The following ZNF131 variants were observed in gnomAD, a reference collection of about 807,000 sequenced individuals.
ZNF131 encodes zinc finger and BTB domain containing 35, also known as zinc finger protein 131.
ZNF131 carries 7 observed loss-of-function variants against 60.0 expected under a neutral mutation model. That is an observed-to-expected ratio of 0.12 (90% CI 0.07 to 0.22). ZNF131 has a LOEUF of 0.22. ZNF131 is among the 10% of genes least tolerant of loss of function. The pLI is 1.00. For synonymous variants in ZNF131, 257 were observed against 253.2 expected, an observed-to-expected ratio of 1.01 and a Z score of -0.14; for missense variants, 493 against 740.9, an observed-to-expected ratio of 0.67 and a Z score of 3.88.
At position 43,175,099 on chromosome 5, in the gene ZNF131, A is replaced by G. The variant is rs563143717; in HGVS notation, c.1838A>G (p.Asn613Ser). The G allele has an allele frequency of 1.5e-5, 24 of 1,614,084 alleles. No homozygotes were observed. The South Asian group carries it at 2.4e-4, about 16-fold the overall frequency. The change falls in exon 7 of 7, where the codon AAT (asparagine) becomes AGT (serine). Residue 613 changes from asparagine (N) to serine (S), a missense_variant. Asn to Ser is a conservative substitution (Grantham distance 46). Around this residue, in one of 7 missense-constraint regions of ZNF131, gnomAD observed 202 missense variants for 221.3 expected, o/e 0.91. Coordinates refer to ENST00000682664, the MANE Select transcript of ZNF131 (RefSeq NM_001330707.2). The stretch of plus-strand genomic sequence containing the variant: ...GATTCTGAAGCAGAAAAGGCAGAGA[A>G]TGAGGACAGAACAGCTCTGCCAGTT... ...TVDSEAEKAENEDRTALPVLE is the reference protein window; with the variant it reads ...TVDSEAEKAESEDRTALPVLE
intron 3 of ZNF131, among the ~76,000 whole-genome samples, chr5:43,127,629 G>A (rs1255285605): frequency 1.2e-4 from 19 of 152,192 alleles, no homozygotes; most frequent in Non-Finnish European, 2.5e-4. Flanking sequence ...AACTCATTAG[G>A]TGCAAGCTGA....
intron 3 of ZNF131, among the ~76,000 whole-genome samples, chr5:43,138,885 G>T (rs962549649): frequency 2.0e-5 from 3 of 152,122 alleles, no homozygotes; most frequent in Non-Finnish European, 4.4e-5. Flanking sequence ...AAGAAATGTA[G>T]CATGTCTGAC....
At chr5:43,123,354 C>T in intron 3 of ZNF131, 44 bp downstream of exon 3, 1 of 1,507,536 alleles carries the variant, frequency 6.6e-7, no homozygotes, top group East Asian at 2.3e-5. Context: ...ATCAAAGAAG[C>T]CATTTTATTT....
chr5:43,152,307 C>T (rs1748421028), intron 4 of ZNF131, among the ~76,000 whole-genome samples: 1 of 151,968 alleles, frequency 6.6e-6, no homozygotes, highest in African/African-American at 2.4e-5. Context: ...CCAGCCGAGT[C>T]TGTCCTATTT....
intron 4 of ZNF131, among the ~76,000 whole-genome samples, chr5:43,147,846 C>T (rs901833951): frequency 7.3e-5 from 11 of 151,440 alleles, no homozygotes; most frequent in South Asian, 2.1e-4. Context: ...CCTGAGGTCA[C>T]GAGTTTGAGA....
intron 6 of ZNF131, 46 bp downstream of exon 6, chr5:43,173,494 GT>G: frequency 6.3e-7 from 1 of 1,576,592 alleles, no homozygotes; most frequent in Non-Finnish European, 8.7e-7. Context: ...GGAGTCTTGT[GT>G]TTGCAGTCAT....
intron 6 of ZNF131, 137 bp downstream of exon 6, chr5:43,173,585 T>C (rs1751250806): frequency 6.9e-6 from 8 of 1,161,830 alleles, no homozygotes; most frequent in Admixed American, 3.2e-5. Flanking sequence ...AAGAACATTA[T>C]TGTCTTGGGG....
intron 4 of ZNF131, among the ~76,000 whole-genome samples, chr5:43,139,571 A>C (rs181540427): frequency 3.0e-4 from 46 of 152,306 alleles, no homozygotes; most frequent in African/African-American, 9.4e-4. Context: ...CTTTTTAAGG[A>C]TCTGGATCCT....
At chr5:43,135,526 A>T (rs532025346) in intron 3 of ZNF131, among the ~76,000 whole-genome samples, 1 of 150,942 alleles carries the variant, frequency 6.6e-6, no homozygotes, top group East Asian at 2.0e-4. Flanking sequence ...AGGCGGGTGG[A>T]TTGCTTGAGG....
At chr5:43,136,744 C>T (rs1278095643) in intron 3 of ZNF131, among the ~76,000 whole-genome samples, 2 of 150,290 alleles carry the variant, frequency 1.3e-5, no homozygotes, top group African/African-American at 2.4e-5. Flanking sequence ...GCCTTGGCCT[C>T]CCAAGGTGCT....
intron 4 of ZNF131, among the ~76,000 whole-genome samples, chr5:43,152,729 C>T (rs1472645492): frequency 1.3e-5 from 2 of 152,150 alleles, no homozygotes; most frequent in East Asian, 3.9e-4. Context: ...ACCTCAGCCT[C>T]CCAAAGGAGC....
Position 43,174,915 on chromosome 5 carries a change from C to T in ZNF131, c.1654C>T (p.Pro552Ser), listed in dbSNP as rs1289565136. The T allele has an allele frequency of 6.2e-7, 1 of 1,614,042 alleles. No individual in the cohort carries two copies. The highest frequency in any genetic ancestry group is 8.5e-7 in the Non-Finnish European group (1 of 1,180,018). Reference protein sequence around the residue: ...ELHVERVNQMPVEVQTELLEA... With the variant: ...ELHVERVNQMSVEVQTELLEA... ...GCATGTTGAACGGGTCAATCAAATG[C>T]CAGTGGAAGTACAAACTGAACTTCT... Residue 552 changes from proline to serine, a missense_variant, in exon 7 of 7, where the codon CCA becomes TCA. This residue lies in a region of ZNF131 where 202 missense variants were observed against 221.3 expected (regional missense o/e 0.91). Transcript: ENST00000682664.
intron 3 of ZNF131, among the ~76,000 whole-genome samples, chr5:43,128,153 G>C (rs1303589518): frequency 2.0e-5 from 3 of 152,204 alleles, no homozygotes; most frequent in Non-Finnish European, 2.9e-5. Context: ...TACTCTCTTA[G>C]AAAAGTTGTA....
At chr5:43,139,863 A>G (rs1746578645) in intron 4 of ZNF131, among the ~76,000 whole-genome samples, 2 of 152,202 alleles carry the variant, frequency 1.3e-5, no homozygotes, top group South Asian at 4.1e-4. Flanking sequence ...GATGAGAACA[A>G]ATCAATTGCT....
chr5:43,162,004 TAAAA>T, intron 5 of ZNF131, 73 bp downstream of exon 5: 2 of 1,408,110 alleles, frequency 1.4e-6, no homozygotes, highest in Non-Finnish European at 1.9e-6. Context: ...AAATCCTTTT[TAAAA>T]AAATAGTGCC....
Position 43,173,477 on chromosome 5 carries a change from T to C in ZNF131, c.1185+29T>C, listed in dbSNP as rs1284103137. 1.8e-5 allele frequency: 28 copies of C among 1,598,118 alleles called. No homozygotes were observed. The South Asian group carries it at 3.2e-4, about 18-fold the overall frequency. On this transcript the variant is annotated intron_variant, in intron 6 of 6. Transcript: ENST00000682664. ...TGTGCAGATACATACATTCAGTTCT[T>C]AACAAAGGAGTCTTGTGTTTGCAGT...
chr5:43,134,470 A>G lies in ZNF131; in HGVS notation c.227-4695A>G, dbSNP rs960334555. 3.3e-5 allele frequency among the ~76,000 whole-genome samples: 5 copies of G among 152,280 alleles called. No homozygotes were observed. The East Asian group carries it at 9.7e-4, about 29-fold the overall frequency. On this transcript the variant is annotated intron_variant, in intron 3 of 6. Coordinates refer to ENST00000682664, the MANE Select transcript of ZNF131 (RefSeq NM_001330707.2). ...GAACAAGACAAGGATGCCTACTCTT[A>G]TCACTTCAATATAGTACTGGAAATC... is the stretch of plus-strand genomic sequence containing the variant.
At chr5:43,129,479 T>C (rs903419485) in intron 3 of ZNF131, among the ~76,000 whole-genome samples, 2 of 152,146 alleles carry the variant, frequency 1.3e-5, no homozygotes, top group African/African-American at 4.8e-5. Flanking sequence ...GACATACTTC[T>C]CAACATTCCA....
chr5:43,156,548 C>G (rs1399682994), intron 4 of ZNF131, among the ~76,000 whole-genome samples: 5 of 152,212 alleles, frequency 3.3e-5, no homozygotes, highest in Non-Finnish European at 7.3e-5. Flanking sequence ...CGTGGCTTGA[C>G]TAAACAAACC....
Sources: allele counts gnomAD v4.1 joint callset (sites outside exome capture counted in the v4.1 genomes callset), GRCh38; gene constraint gnomAD v4.1.1; regional missense constraint gnomAD v4.1.1; transcripts MANE v1.5; gene names NCBI Gene and HGNC (gene_info 2026-07-23, HGNC 2026-07-21).